Variants in SZT2 observed in about 807,000 individuals in gnomAD.
SZT2 encodes SZT2 subunit of KICSTOR complex, also known as KICSTOR complex protein SZT2.
Under a neutral mutation model 404.2 loss-of-function variants are expected in SZT2, and 216 were observed. The ratio of observed to expected loss-of-function variants is 0.53; its 90% CI spans 0.48 to 0.60. The LOEUF (loss-of-function observed/expected upper bound fraction) is 0.60. Ranked by LOEUF, SZT2 falls within the 20% of genes least tolerant of loss-of-function variation. The pLI, the probability that SZT2 is intolerant of heterozygous loss-of-function variation, is 0.00. For synonymous variants in SZT2, 1,693 were observed against 1,749.9 expected, an observed-to-expected ratio of 0.97 and a Z score of 0.81; for missense variants, 3,857 against 4,459.2, an observed-to-expected ratio of 0.86 and a Z score of 3.85.
rs1227318981 is a variant in SZT2, at chr1:43,453,482, C to G, written c.*3002C>G. On this transcript the variant is annotated 3_prime_UTR_variant, in exon 72 of 72. Coordinates refer to ENST00000634258, the MANE Select transcript of SZT2 (RefSeq NM_001365999.1). Reference sequence around the variant, plus strand: ...GGGGACGGCCCCCAGCCCCATTTCCCCCTTCTCTTGGTCTCCTGCAGAGAG... The same window carrying G: ...GGGGACGGCCCCCAGCCCCATTTCCGCCTTCTCTTGGTCTCCTGCAGAGAG... 1 of 1,558,644 alleles carries G rather than the reference C, an allele frequency of 6.4e-7. No homozygotes were observed. Among genetic ancestry groups the G allele is most frequent in the African/African-American group, 1.4e-5 (1 of 73,202 alleles).
At chr1:43,390,634 T>C (rs1360743561) in intron 1 of SZT2, among the ~76,000 whole-genome samples, 1 of 152,212 alleles carries the variant, frequency 6.6e-6, no homozygotes, top group Non-Finnish European at 1.5e-5. Context: ...CTAAGGAACA[T>C]GCAAGGAACC....
Position 43,428,319 on chromosome 1 carries a change from A to T in SZT2, c.3999A>T (p.Leu1333=), listed in dbSNP as rs1168212730. The T allele has an allele frequency of 6.2e-7, 1 of 1,614,146 alleles. No homozygotes were observed. Among genetic ancestry groups the T allele is most frequent in the Non-Finnish European group, 8.5e-7 (1 of 1,180,024 alleles). Residue 1333 remains leucine (L), a synonymous_variant, in exon 28 of 72, where the codon CTA becomes CTT. Transcript: ENST00000634258. ...LLTAVDACEE[L]LQEIDITPFL... ...CAGCGGTAGATGCCTGTGAGGAGCT[A>T]CTACAAGAAATAGACATCACCCCAT...
rs748362404 is a variant in SZT2 at position 43,426,677 on chromosome 1, G to T, written c.3215-38G>T. 10 of 1,557,924 alleles carry T rather than the reference G, an allele frequency of 6.4e-6. No individual in the cohort carries two copies. The highest frequency in any genetic ancestry group is 2.3e-5 in the East Asian group (1 of 42,736). On this transcript the variant is annotated intron_variant, in intron 22 of 71. Transcript: ENST00000634258. The surrounding 1 kb of genome is among the most constrained non-coding windows in gnomAD (Gnocchi z 4.9). ...AACCCAGAGTCCCGCCTCTCTGCTGGCCCTGCCCTCTTTCACCCATCTCTA... is the reference window on the plus strand; with the variant it reads ...AACCCAGAGTCCCGCCTCTCTGCTGTCCCTGCCCTCTTTCACCCATCTCTA...
chr1:43,436,974 G>A (rs987640142), intron 42 of SZT2, 197 bp from the exon 43 acceptor site: 7 of 642,190 alleles, frequency 1.1e-5, no homozygotes, highest in Admixed American at 8.9e-5. Context: ...GGAAGCCTTT[G>A]TGCTATATGA....
rs1400912244 is a variant in SZT2, at chr1:43,426,543, G to C, written c.3214+5G>C. 31 of 1,560,246 alleles carry C rather than the reference G, an allele frequency of 2.0e-5. No homozygotes were observed. The highest frequency in any genetic ancestry group is 2.6e-5 in the Non-Finnish European group (30 of 1,158,220). On this transcript the variant is annotated splice_donor_5th_base_variant and intron_variant, in intron 22 of 71. Transcript: ENST00000634258. This position sits in a 1 kb window ranked among gnomAD's most constrained non-coding sequence, Gnocchi z 4.9. ...GGCGGACCTGCCACGTTCCAGGTGA[G>C]TTCCCCACATCCTCCTGACACCAGA...
rs1339013262 is a variant in SZT2, at chr1:43,431,353, C to G, written c.5005C>G (p.Pro1669Ala). The G allele has an allele frequency of 2.5e-6, 4 of 1,612,014 alleles. No individual in the cohort carries two copies. The South Asian group carries it at 4.4e-5, about 18-fold the overall frequency. The change falls in exon 34 of 72, where the codon CCA becomes GCA. Residue 1669 changes from proline (P) to alanine (A), a missense_variant. By Grantham distance (27) the Pro-to-Ala change is conservative. Around this residue, in one of 7 missense-constraint regions of SZT2, gnomAD observed 1,725 missense variants for 1,881.0 expected, o/e 0.92. Coordinates refer to ENST00000634258, the MANE Select transcript of SZT2 (RefSeq NM_001365999.1). ...AGATGATGGCCTCGGGCCCCCACTG[C>G]CACCCCCAGAAGAGGAGAGGTACTT... ...RSDDGLGPPL[P>A]PPEEERHPGL...
chr1:43,452,836 C>T lies in SZT2; in HGVS notation c.*2356C>T. 6.6e-7 allele frequency: 1 copy of T among 1,514,126 alleles called. No individual in the cohort carries two copies. Among genetic ancestry groups the T allele is most frequent in the Non-Finnish European group, 9.0e-7 (1 of 1,113,372 alleles). 93.8% of individuals were successfully genotyped at this position (1,514,126 alleles called of 1,614,324 possible). Reference sequence around the variant, plus strand: ...AGCCGTCCACCTCCTCCCATCATCCCCTGATCTTAGCCACATCCAGCTCCA... The same window carrying T: ...AGCCGTCCACCTCCTCCCATCATCCTCTGATCTTAGCCACATCCAGCTCCA... On this transcript the variant is annotated 3_prime_UTR_variant, in exon 72 of 72. Coordinates refer to ENST00000634258, the MANE Select transcript of SZT2 (RefSeq NM_001365999.1).
In SZT2 at chr1:43,450,069, A is replaced by G. The variant is rs778477992; in HGVS notation, c.10087-34A>G. ...CAGGATGCCCTGTGGGAGGGTCTGT[A>G]GGGTCTGTGTCCCCTCCTCATCTTT... On this transcript the variant is annotated intron_variant, in intron 70 of 71. Coordinates refer to ENST00000634258, the MANE Select transcript of SZT2 (RefSeq NM_001365999.1). The surrounding 1 kb of genome is among the most constrained non-coding windows in gnomAD (Gnocchi z 4.3). 8.1e-6 allele frequency: 13 copies of G among 1,613,718 alleles called. No homozygotes were observed. Among genetic ancestry groups the G allele is most frequent in the Non-Finnish European group, 1.1e-5 (13 of 1,179,726 alleles).
chr1:43,417,112 A>G (rs1049294253), intron 7 of SZT2, among the ~76,000 whole-genome samples: 4 of 152,222 alleles, frequency 2.6e-5, no homozygotes, highest in Non-Finnish European at 1.5e-5. Flanking sequence ...TGCTTTATTA[A>G]TGAGGTTAAG....
chr1:43,395,273 GTTAC>G (rs1553135555), intron 1 of SZT2, among the ~76,000 whole-genome samples: 1 of 152,126 alleles, frequency 6.6e-6, no homozygotes, highest in Non-Finnish European at 1.5e-5. Context: ...AGGTTACTTT[GTTAC>G]TTGCTTGCTT....
intron 62 of SZT2, 38 bp from the exon 63 acceptor site, chr1:43,445,856 G>C (rs1337066491): frequency 6.3e-7 from 1 of 1,594,532 alleles, no homozygotes; most frequent in East Asian, 2.2e-5. Context: ...CATGCCACTA[G>C]CCTGCCTCAT....
intron 46 of SZT2, 120 bp downstream of exon 46, chr1:43,438,022 T>C (rs1030163586): frequency 1.1e-5 from 12 of 1,046,970 alleles, no homozygotes; most frequent in East Asian, 4.9e-5. Context: ...GCCCAAGACC[T>C]GACACATGTT....
rs1653014369 is a variant in SZT2, at chr1:43,425,358, G to A, written c.2646-116G>A. 2.0e-6 allele frequency: 3 copies of A among 1,525,484 alleles called. No homozygotes were observed. Among genetic ancestry groups the A allele is most frequent in the African/African-American group, 1.4e-5 (1 of 73,212 alleles). The allele number at this position is 1,525,484 out of a possible 1,614,324, so 94.5% of individuals were successfully genotyped here. On this transcript the variant is annotated intron_variant, in intron 18 of 71. Transcript: ENST00000634258. The surrounding 1 kb of genome is among the most constrained non-coding windows in gnomAD (Gnocchi z 4.3). ...TAGATGCTTCATCAGGCAGACGCTG[G>A]TCTGGGAAGGCCTTGTATGACTCGT...
At position 43,426,093 on chromosome 1, in the gene SZT2, A is replaced by G. The variant is rs768812939; in HGVS notation, c.2985A>G (p.Leu995=). Residue 995 remains leucine (L), a synonymous_variant, in exon 21 of 72, where the codon CTA becomes CTG. Coordinates refer to ENST00000634258, the MANE Select transcript of SZT2 (RefSeq NM_001365999.1). The surrounding 1 kb of genome is among the most constrained non-coding windows in gnomAD (Gnocchi z 4.9). The part of the protein sequence containing the change: ...CVHEIPFHFD[L]MGLLPQCQQL... Reference sequence around the variant, plus strand: ...ATGAGATCCCTTTCCATTTTGACCTAATGGGATTGCTGCCACAGTGCCAGC... The same window carrying G: ...ATGAGATCCCTTTCCATTTTGACCTGATGGGATTGCTGCCACAGTGCCAGC... The G allele has an allele frequency of 2.5e-6, 4 of 1,614,082 alleles. No individual in the cohort carries two copies. The highest frequency in any genetic ancestry group is 4.5e-5 in the East Asian group (2 of 44,878).
intron 7 of SZT2, among the ~76,000 whole-genome samples, chr1:43,417,048 A>G (rs1651799421): frequency 6.6e-6 from 1 of 152,222 alleles, no homozygotes; most frequent in Admixed American, 6.5e-5. Flanking sequence ...GTAAAAAGCT[A>G]TGGGAAACAA....
intron 36 of SZT2, among the ~76,000 whole-genome samples, 185 bp from the exon 37 acceptor site, chr1:43,432,087 C>G (rs1282967387): frequency 1.3e-5 from 2 of 152,356 alleles, no homozygotes; most frequent in Middle Eastern, 3.4e-3. Context: ...AGAAACCCAG[C>G]TCCCAACCTG....
chr1:43,416,480 TG>T, intron 6 of SZT2, 54 bp from the exon 7 acceptor site: 1 of 1,480,280 alleles, frequency 6.8e-7, no homozygotes, highest in Middle Eastern at 1.9e-4. Flanking sequence ...GGTGCCTCCC[TG>T]TGAGTTTGGT....
rs1654569449 is a variant in SZT2 at position 43,437,396 on chromosome 1, A to T, written c.6188-10A>T. On this transcript the variant is annotated splice_polypyrimidine_tract_variant and intron_variant, in intron 43 of 71. Transcript: ENST00000634258. This position sits in a 1 kb window ranked among gnomAD's most constrained non-coding sequence, Gnocchi z 5.3. Reference sequence around the variant, plus strand: ...AAAGGCAGTTTCCTGAGCCCATGTTATTCCCCCAGCCATCCAGGCCCTGCG... The same window carrying T: ...AAAGGCAGTTTCCTGAGCCCATGTTTTTCCCCCAGCCATCCAGGCCCTGCG... The T allele has an allele frequency of 1.2e-6, 2 of 1,614,006 alleles. No homozygotes were observed. Among genetic ancestry groups the T allele is most frequent in the Non-Finnish European group, 1.7e-6 (2 of 1,179,956 alleles).
At position 43,419,874 on chromosome 1, in the gene SZT2, C is replaced by T. The variant is rs751747143; in HGVS notation, c.1020C>T (p.Val340=). 3 of 1,598,496 alleles carry T rather than the reference C, an allele frequency of 1.9e-6. No homozygotes were observed. Among genetic ancestry groups the T allele is most frequent in the South Asian group, 2.2e-5 (2 of 91,086 alleles). The part of the protein sequence containing the change: ...EPEPGNLGLT[V]YHRAFLLYSF... ...AGCCAGGCAACCTGGGTCTGACTGT[C>T]TACCACCGGGCATTTCTCCTCTATT... is the stretch of plus-strand genomic sequence containing the variant. Residue 340 remains valine (V), a synonymous_variant, in exon 8 of 72, where the codon GTC becomes GTT. Transcript: ENST00000634258.
Sources: allele counts gnomAD v4.1 joint callset (sites outside exome capture counted in the v4.1 genomes callset), GRCh38; gene constraint gnomAD v4.1.1; regional missense constraint gnomAD v4.1.1; non-coding constraint Gnocchi (gnomAD v3.1); transcripts MANE v1.5; gene names NCBI Gene and HGNC (gene_info 2026-07-23, HGNC 2026-07-21).